Variants in NXPH1 observed in about 807,000 individuals in gnomAD.
The protein encoded by NXPH1 is neurexophilin 1, also known as neurexophilin-1.
A neutral mutation model predicts 23.7 loss-of-function variants in NXPH1; 5 were observed. That is an observed-to-expected ratio of 0.21 (90% CI 0.11 to 0.44). The LOEUF is 0.44. NXPH1 is among the 20% of genes least tolerant of loss of function. The pLI is 0.99. For synonymous variants in NXPH1, 144 were observed against 122.2 expected, an observed-to-expected ratio of 1.18 and a Z score of -1.18; for missense variants, 324 against 321.6, an observed-to-expected ratio of 1.01 and a Z score of -0.06.
intron 2 of NXPH1, among the ~76,000 whole-genome samples, chr7:8,529,114 T>C (rs1199334591): frequency 6.6e-6 from 1 of 152,248 alleles, no homozygotes; most frequent in Admixed American, 6.5e-5. Flanking sequence ...ATGCATTTAC[T>C]CCTTCTCACC....
intron 2 of NXPH1, among the ~76,000 whole-genome samples, chr7:8,587,048 C>A (rs1395203871): frequency 1.3e-5 from 2 of 152,064 alleles, no homozygotes; most frequent in Non-Finnish European, 2.9e-5. Flanking sequence ...AAATTATATT[C>A]TCTATTATTT....
At chr7:8,668,477 G>C (rs1206114100) in intron 2 of NXPH1, among the ~76,000 whole-genome samples, 3 of 150,344 alleles carry the variant, frequency 2.0e-5, no homozygotes, top group Non-Finnish European at 4.4e-5. Context: ...GGTTCAGCAG[G>C]TAGGCAAGCC....
At chr7:8,490,579 A>G (rs1325750090) in intron 2 of NXPH1, among the ~76,000 whole-genome samples, 1 of 152,042 alleles carries the variant, frequency 6.6e-6, no homozygotes, top group Admixed American at 6.6e-5. Context: ...TCCTACATTT[A>G]TAACTGGGGA....
At chr7:8,717,479 C>G (rs913002213) in intron 2 of NXPH1, among the ~76,000 whole-genome samples, 9 of 152,056 alleles carry the variant, frequency 5.9e-5, no homozygotes, top group Non-Finnish European at 1.2e-4. Context: ...AAAAAAAACC[C>G]CTTAGATGTA....
At chr7:8,601,814 A>G (rs556077428) in intron 2 of NXPH1, among the ~76,000 whole-genome samples, 8 of 152,282 alleles carry the variant, frequency 5.3e-5, no homozygotes, top group South Asian at 2.1e-4. Context: ...CAGAGCCACA[A>G]TGCTATTCTA....
chr7:8,535,290 T>A (rs1259386375), intron 2 of NXPH1, among the ~76,000 whole-genome samples: 1 of 152,060 alleles, frequency 6.6e-6, no homozygotes, highest in East Asian at 1.9e-4. Flanking sequence ...TCAGTGGAAA[T>A]AATGGGGACA....
chr7:8,622,974 G>A (rs1819906981), intron 2 of NXPH1, among the ~76,000 whole-genome samples: 1 of 152,144 alleles, frequency 6.6e-6, no homozygotes, highest in Admixed American at 6.6e-5. Context: ...AATGAAGGAA[G>A]TATTTGAACT....
chr7:8,468,466 A>G (rs1343997196), intron 2 of NXPH1, among the ~76,000 whole-genome samples: 1 of 152,098 alleles, frequency 6.6e-6, no homozygotes, highest in African/African-American at 2.4e-5. Flanking sequence ...TCATTTTAAG[A>G]TATTTTGTCC....
chr7:8,539,811 A>C (rs185639271), intron 2 of NXPH1, among the ~76,000 whole-genome samples: 264 of 151,934 alleles, frequency 1.7e-3, no homozygotes, highest in African/African-American at 6.1e-3. Context: ...TTGTTTTACT[A>C]TACTTTTCTT....
At chr7:8,664,068 C>T (rs1820722794) in intron 2 of NXPH1, among the ~76,000 whole-genome samples, 1 of 152,018 alleles carries the variant, frequency 6.6e-6, no homozygotes, top group African/African-American at 2.4e-5. Context: ...ATTTAGAAAG[C>T]CATGTATGAT....
intron 2 of NXPH1, among the ~76,000 whole-genome samples, chr7:8,717,890 G>C (rs949880375): frequency 2.4e-4 from 18 of 74,862 alleles, no homozygotes; most frequent in East Asian, 8.6e-4. Context: ...TCTTCTCTCT[G>C]TGTGTATATA....
intron 2 of NXPH1, among the ~76,000 whole-genome samples, chr7:8,570,235 A>C (rs1818619100): frequency 6.6e-6 from 1 of 151,956 alleles, no homozygotes; most frequent in Admixed American, 6.6e-5. Context: ...CAGCAGTTTC[A>C]TGCAGTTCAA....
intron 2 of NXPH1, among the ~76,000 whole-genome samples, chr7:8,436,717 C>T (rs1816202794): frequency 6.6e-6 from 1 of 152,166 alleles, no homozygotes; most frequent in African/African-American, 2.4e-5. Flanking sequence ...TCCTGGGCTG[C>T]GGGAGTGCAC....
chr7:8,552,621 A>G (rs75179414), intron 2 of NXPH1, among the ~76,000 whole-genome samples: 2,797 of 151,638 alleles, frequency 0.018, 34 homozygotes, highest in Non-Finnish European at 0.028. Context: ...TCACTCTAAA[A>G]TGGGCAATCA....
intron 2 of NXPH1, among the ~76,000 whole-genome samples, chr7:8,531,793 G>A (rs1324672519): frequency 6.6e-6 from 1 of 152,148 alleles, no homozygotes; most frequent in South Asian, 2.1e-4. Flanking sequence ...AAATAATCAA[G>A]CTGTTTTCAC....
At chr7:8,462,296 C>T (rs1316753676) in intron 2 of NXPH1, among the ~76,000 whole-genome samples, 1 of 152,228 alleles carries the variant, frequency 6.6e-6, no homozygotes, top group African/African-American at 2.4e-5. Context: ...ATCCACCCAC[C>T]TTAGCCTCCC....
At chr7:8,595,838 G>A (rs1228782188) in intron 2 of NXPH1, among the ~76,000 whole-genome samples, 1 of 151,902 alleles carries the variant, frequency 6.6e-6, no homozygotes, top group Non-Finnish European at 1.5e-5. Context: ...CTTTACCATC[G>A]CTTTTAGTGA....
At chr7:8,731,561 A>G (rs986936861) in intron 2 of NXPH1, among the ~76,000 whole-genome samples, 1 of 152,118 alleles carries the variant, frequency 6.6e-6, no homozygotes, top group Non-Finnish European at 1.5e-5. Context: ...CTTCTAACAG[A>G]CAGGACCCTC....
chr7:8,476,613 G>A (rs949613343), intron 2 of NXPH1, among the ~76,000 whole-genome samples: 3 of 151,704 alleles, frequency 2.0e-5, no homozygotes, highest in African/African-American at 7.3e-5. Flanking sequence ...TAACCTTCCT[G>A]ATCTGACATC....
Sources: allele counts gnomAD v4.1 joint callset (sites outside exome capture counted in the v4.1 genomes callset), GRCh38; gene constraint gnomAD v4.1.1; transcripts MANE v1.5; gene names NCBI Gene and HGNC (gene_info 2026-07-23, HGNC 2026-07-21).